RPS6KA2: variants seen among roughly 807,000 people sequenced by gnomAD.
RPS6KA2 encodes ribosomal protein S6 kinase A2, also known as ribosomal protein S6 kinase alpha-2.
Under a neutral mutation model 91.8 loss-of-function variants are expected in RPS6KA2, and 42 were observed. The observed-to-expected ratio is 0.46, with a 90% confidence interval of 0.36 to 0.59. RPS6KA2 has a LOEUF of 0.59. RPS6KA2 is among the 20% of genes least tolerant of loss of function. The pLI is 0.00. For synonymous variants in RPS6KA2, 414 were observed against 393.6 expected (o/e 1.05, Z -0.61); for missense variants, 798 against 978.5 (o/e 0.82, Z 2.46).
intron 11 of RPS6KA2, among the ~76,000 whole-genome samples, chr6:166,469,322 T>TGTA (rs2128464632): frequency 8.4e-6 from 1 of 118,918 alleles, no homozygotes; most frequent in African/African-American, 3.7e-5. Flanking sequence ...AACTCGGCAC[T>TGTA]GTTGTTTTTT....
Position 166,412,137 on chromosome 6 carries a change from C to G in RPS6KA2, c.*625G>C, listed in dbSNP as rs1005931967. 1 of 152,682 alleles carries G rather than the reference C, an allele frequency of 6.5e-6. No homozygotes were observed. The highest frequency in any genetic ancestry group is 1.5e-5 in the Non-Finnish European group (1 of 68,124). The allele number at this position is 152,682 out of a possible 1,614,324, so 9.5% of individuals were successfully genotyped here. On this transcript the variant is annotated 3_prime_UTR_variant, in exon 21 of 21. Coordinates refer to ENST00000265678, the MANE Select transcript of RPS6KA2 (RefSeq NM_021135.6). The surrounding 1 kb of genome is among the most constrained non-coding windows in gnomAD (Gnocchi z 4.3). ...CTGGGCTCTTACTCCTCATTTGAAT[C>G]TGGGACAGAGGAAAGGATGGGCTAC... is the stretch of plus-strand genomic sequence containing the variant.
At chr6:166,573,912 A>C (rs1161817108) in intron 1 of RPS6KA2, among the ~76,000 whole-genome samples, 2 of 152,208 alleles carry the variant, frequency 1.3e-5, no homozygotes, top group African/African-American at 4.8e-5. Context: ...TGTCAGATGC[A>C]GCAAATCCAT....
At chr6:166,481,551 G>A (rs1411657779) in intron 10 of RPS6KA2, among the ~76,000 whole-genome samples, 2 of 152,170 alleles carry the variant, frequency 1.3e-5, no homozygotes, top group Non-Finnish European at 2.9e-5. Flanking sequence ...TGAATTCTCT[G>A]ATGAGATAGT....
chr6:166,628,775 T>C (rs1002074308), upstream of RPS6KA2, among the ~76,000 whole-genome samples: 4 of 152,272 alleles, frequency 2.6e-5, no homozygotes, highest in Non-Finnish European at 5.9e-5. Context: ...CTCACCTCCC[T>C]TACTGGATAC....
intron 19 of RPS6KA2, among the ~76,000 whole-genome samples, chr6:166,416,619 C>T (rs1355301782): frequency 2.0e-5 from 3 of 151,720 alleles, no homozygotes; most frequent in Admixed American, 6.6e-5. Flanking sequence ...TCTGTCATCC[C>T]TCCACCATCA....
intron 2 of RPS6KA2, among the ~76,000 whole-genome samples, chr6:166,840,381 G>C (rs569897737): frequency 1.3e-5 from 2 of 152,170 alleles, no homozygotes; most frequent in African/African-American, 2.4e-5. Flanking sequence ...ACCTCCCCAC[G>C]AGTAGAGCTG....
rs1311574481 is a variant in RPS6KA2 at position 166,437,562 on chromosome 6, G to C, written c.1333-5072C>G. 6.6e-6 allele frequency among the ~76,000 whole-genome samples: 1 copy of C among 152,200 alleles called. No homozygotes were observed. The highest frequency in any genetic ancestry group is 6.5e-5 in the Admixed American group (1 of 15,282). Reference sequence around the variant, plus strand: ...CCTCCAGAGAAGGGCATTCTCCAGGGGTTGGCCACCCACCACAGCCGGTAA... The same window carrying C: ...CCTCCAGAGAAGGGCATTCTCCAGGCGTTGGCCACCCACCACAGCCGGTAA... On this transcript the variant is annotated intron_variant, in intron 14 of 20. Coordinates refer to ENST00000265678, the MANE Select transcript of RPS6KA2 (RefSeq NM_021135.6). The surrounding 1 kb of genome is among the most constrained non-coding windows in gnomAD (Gnocchi z 4.3).
chr6:166,808,136 C>T (rs920525040), intron 2 of RPS6KA2, among the ~76,000 whole-genome samples: 21 of 152,336 alleles, frequency 1.4e-4, no homozygotes, highest in East Asian at 3.9e-4. Context: ...CCAAGCTCCC[C>T]GTGGTGCTCC....
intron 4 of RPS6KA2, chr6:166,509,534 C>T (rs1385210751): frequency 1.3e-5 from 2 of 157,840 alleles, no homozygotes; most frequent in African/African-American, 4.8e-5. Context: ...ATCTCACTAA[C>T]ACCTCCCCGA....
intron 1 of RPS6KA2, among the ~76,000 whole-genome samples, chr6:166,589,916 A>G (rs1045307059): frequency 1.3e-5 from 2 of 152,182 alleles, no homozygotes; most frequent in African/African-American, 4.8e-5. Flanking sequence ...CATACCCACC[A>G]ACCCAACAAA....
At chr6:166,462,272 C>A (rs1780343496) in intron 11 of RPS6KA2, among the ~76,000 whole-genome samples, 1 of 152,234 alleles carries the variant, frequency 6.6e-6, no homozygotes, top group Non-Finnish European at 1.5e-5. Flanking sequence ...CCCGGTGGGG[C>A]AGGGCTGCAG....
chr6:166,418,371 G>C lies in RPS6KA2; in HGVS notation c.1821-29C>G, dbSNP rs1178473894. On this transcript the variant is annotated intron_variant, in intron 18 of 20. Transcript: ENST00000265678. This position sits in a 1 kb window ranked among gnomAD's most constrained non-coding sequence, Gnocchi z 4.9. Reference sequence around the variant, plus strand: ...TATAATTAGACAAATTTGTGGTAATGAGCTTGTATTTTACAACCTAAAATA... The same window carrying C: ...TATAATTAGACAAATTTGTGGTAATCAGCTTGTATTTTACAACCTAAAATA... 7.2e-6 allele frequency: 11 copies of C among 1,526,780 alleles called. No individual in the cohort carries two copies. The highest frequency in any genetic ancestry group is 1.4e-5 in the African/African-American group (1 of 73,068). 94.6% of individuals were successfully genotyped at this position (1,526,780 alleles called of 1,614,324 possible).
intron 2 of RPS6KA2, among the ~76,000 whole-genome samples, chr6:166,721,800 T>C (rs1790181262): frequency 6.6e-6 from 1 of 151,728 alleles, no homozygotes; most frequent in Non-Finnish European, 1.5e-5. Flanking sequence ...GCTCAGCTGC[T>C]TCCCCCAGGA....
intron 2 of RPS6KA2, among the ~76,000 whole-genome samples, chr6:166,706,850 A>G (rs1040351873): frequency 5.3e-5 from 8 of 152,262 alleles, no homozygotes; most frequent in African/African-American, 1.7e-4. Context: ...ATAGTATTAA[A>G]CAAGAAGAGT....
intron 2 of RPS6KA2, among the ~76,000 whole-genome samples, chr6:166,817,515 T>C (rs1241493581): frequency 6.6e-6 from 1 of 152,220 alleles, no homozygotes; most frequent in Non-Finnish European, 1.5e-5. Context: ...CTTTAATATC[T>C]GCTGAGATTC....
intron 3 of RPS6KA2, among the ~76,000 whole-genome samples, chr6:166,523,761 G>T (rs1472322593): frequency 6.6e-6 from 1 of 152,192 alleles, no homozygotes; most frequent in Non-Finnish European, 1.5e-5. Flanking sequence ...CTGAGTTTCT[G>T]AGTGACTCAG....
intron 2 of RPS6KA2, among the ~76,000 whole-genome samples, chr6:166,759,348 G>C (rs1778106962): frequency 6.6e-6 from 1 of 152,144 alleles, no homozygotes; most frequent in Non-Finnish European, 1.5e-5. Flanking sequence ...AAGCAGAACG[G>C]TCACACTTCT....
chr6:166,681,592 G>A (rs887932900), intron 2 of RPS6KA2, among the ~76,000 whole-genome samples: 5 of 151,828 alleles, frequency 3.3e-5, no homozygotes, highest in African/African-American at 9.7e-5. Context: ...TCTGTGCCCC[G>A]AAGGGAAAAC....
At chr6:166,699,988 G>C (rs1789462905) in intron 2 of RPS6KA2, among the ~76,000 whole-genome samples, 1 of 152,184 alleles carries the variant, frequency 6.6e-6, no homozygotes, top group Non-Finnish European at 1.5e-5. Context: ...TGTCCCATTG[G>C]TCTGAAGTGT....
Sources: gnomAD v4.1 joint callset for allele counts (sites outside exome capture counted in the v4.1 genomes callset) on GRCh38, gnomAD v4.1.1 for gene constraint, Gnocchi (gnomAD v3.1) non-coding constraint, MANE v1.5 for transcripts, NCBI Gene and HGNC (gene_info 2026-07-23, HGNC 2026-07-21) for gene names.